ACO1: variants seen among roughly 807,000 people sequenced by gnomAD.
The protein encoded by ACO1 is aconitase 1.
ACO1 carries 78 observed loss-of-function variants against 105.1 expected under a neutral mutation model. The observed-to-expected ratio is 0.74, with a 90% CI of 0.62 to 0.90. The LOEUF (loss-of-function observed/expected upper bound fraction) is 0.90. Ranked by LOEUF, ACO1 falls within the 40% of genes least tolerant of loss-of-function variation. The probability of loss-of-function intolerance (pLI) is 0.00; values close to 1 mark genes in which losing one functional copy is unlikely to be tolerated. For synonymous variants in ACO1, 364 were observed against 397.4 expected (o/e 0.92, Z 1.00); for missense variants, 965 against 1,111.1 (o/e 0.87, Z 1.87).
intron 4 of ACO1, among the ~76,000 whole-genome samples, chr9:32,414,057 G>GC (rs1309771998): frequency 6.6e-6 from 1 of 152,066 alleles, no homozygotes; most frequent in Non-Finnish European, 1.5e-5. Flanking sequence ...GCTGAGTGAG[G>GC]CCCGGGAATG....
rs1822756645 is a variant in ACO1 at position 32,451,023 on chromosome 9, T to TGGGAGCAGACAAGAAGGAA, written c.*914_*932dup. On this transcript the variant is annotated 3_prime_UTR_variant, in exon 21 of 21. Transcript: ENST00000309951. ...ACCATTATGCTCGCTCTTCCCTGTTTGGGAGCAGACAAGAAGGAAGAGTAG... is the reference window on the plus strand; with the variant it reads ...ACCATTATGCTCGCTCTTCCCTGTTTGGGAGCAGACAAGAAGGAAGGGAGCAGACAAGAAGGAAGAGTAG... 1 of 147,160 alleles carries TGGGAGCAGACAAGAAGGAA rather than the reference T, an allele frequency of 6.8e-6. No homozygotes were observed. Among genetic ancestry groups the TGGGAGCAGACAAGAAGGAA allele is most frequent in the Non-Finnish European group, 1.5e-5 (1 of 67,792 alleles). 9.1% of individuals were successfully genotyped at this position (147,160 alleles called of 1,614,324 possible).
intron 5 of ACO1, 35 bp from the exon 6 acceptor site, chr9:32,418,293 G>A (rs778052946): frequency 2.4e-5 from 39 of 1,612,994 alleles, no homozygotes; most frequent in Middle Eastern, 1.6e-4. Context: ...AGTACTTCAC[G>A]CGTTCATAGT....
At chr9:32,414,775 A>T (rs923382650) in intron 4 of ACO1, among the ~76,000 whole-genome samples, 4 of 152,112 alleles carry the variant, frequency 2.6e-5, no homozygotes, top group Non-Finnish European at 4.4e-5. Context: ...TTATAATCTT[A>T]CCTGTAGTGG....
intron 4 of ACO1, among the ~76,000 whole-genome samples, chr9:32,416,370 G>A (rs1308810836): frequency 6.6e-5 from 10 of 152,102 alleles, no homozygotes; most frequent in African/African-American, 4.8e-5. Flanking sequence ...TGGGATTACA[G>A]GTGCGAGCTA....
At chr9:32,393,303 G>A (rs1821305227) in intron 1 of ACO1, among the ~76,000 whole-genome samples, 1 of 152,132 alleles carries the variant, frequency 6.6e-6, no homozygotes, top group Non-Finnish European at 1.5e-5. Context: ...GCTGCTTTGG[G>A]GGTGGCTGTC....
Position 32,407,315 on chromosome 9 carries a change from A to G in ACO1, c.152A>G (p.Asp51Gly), listed in dbSNP as rs747973056. Residue 51 changes from aspartate to glycine, a missense_variant, in exon 3 of 21, where the codon GAT becomes GGT. Physicochemically the swap from Asp to Gly is moderately conservative, Grantham distance 94. Coordinates refer to ENST00000309951, the MANE Select transcript of ACO1 (RefSeq NM_002197.3). ...CTGGAAGCAGCCATTCGGAATTGTG[A>G]TGAGTTTTTGGTGAAGAAACAGGAT... ...VLLEAAIRNC[D>G]EFLVKKQDIE... 6.2e-7 allele frequency: 1 copy of G among 1,614,182 alleles called. No homozygotes were observed.
rs774807099 is a variant in ACO1, at chr9:32,408,467, C to G, written c.267-47C>G. On this transcript the variant is annotated intron_variant, in intron 3 of 20. Coordinates refer to ENST00000309951, the MANE Select transcript of ACO1 (RefSeq NM_002197.3). ...AGGCAAAAGCTGAAAAATCCAGTTA[C>G]ACACATTTAAGGCTTATTTTCTGCA... The G allele has an allele frequency of 7.5e-6, 12 of 1,603,702 alleles. No homozygotes were observed. In the South Asian group the frequency reaches 1.3e-4, roughly 18 times the overall value.
intron 7 of ACO1, among the ~76,000 whole-genome samples, chr9:32,419,642 G>A (rs1214897262): frequency 1.3e-5 from 2 of 152,188 alleles, no homozygotes; most frequent in Non-Finnish European, 2.9e-5. Context: ...TTCACTACAT[G>A]TTTTCCACAT....
rs1350192087 is a variant in ACO1 at position 32,453,897 on chromosome 9, T to TTAAG, written c.*3792_*3795dup. 2 of 152,224 alleles carry TTAAG rather than the reference T, an allele frequency of 1.3e-5. No homozygotes were observed. Among genetic ancestry groups the TTAAG allele is most frequent in the African/African-American group, 4.8e-5 (2 of 41,456 alleles). 9.4% of individuals were successfully genotyped at this position (152,224 alleles called of 1,614,324 possible). On this transcript the variant is annotated 3_prime_UTR_variant, in exon 21 of 21. Transcript: ENST00000309951. ...AAAGATTATATAACGATAGCTGATA[T>TTAAG]TAAGTAAGTTTTAAAAGTTGACATC...
intron 16 of ACO1, 113 bp from the exon 17 acceptor site, chr9:32,434,446 T>G (rs1822309202): frequency 8.2e-7 from 1 of 1,223,206 alleles, no homozygotes; most frequent in Non-Finnish European, 1.1e-6. Context: ...TTTCTGTGCA[T>G]TGGTGTGGAA....
At chr9:32,410,768 C>A (rs1358381977) in intron 4 of ACO1, among the ~76,000 whole-genome samples, 4 of 152,146 alleles carry the variant, frequency 2.6e-5, no homozygotes, top group African/African-American at 9.7e-5. Flanking sequence ...TCAGCTATTG[C>A]TGTATAACAG....
chr9:32,421,060 T>C, intron 8 of ACO1, 33 bp downstream of exon 8: 1 of 1,598,290 alleles, frequency 6.3e-7, no homozygotes. Flanking sequence ...ATCGGGCTTT[T>C]TGTAAAAGTT....
At chr9:32,405,978 A>G (rs1252423550) in intron 2 of ACO1, among the ~76,000 whole-genome samples, 3 of 152,220 alleles carry the variant, frequency 2.0e-5, no homozygotes, top group Non-Finnish European at 2.9e-5. Context: ...ACAAGAACAC[A>G]GTCTTTTTTA....
At chr9:32,423,278 A>G in intron 8 of ACO1, 41 bp from the exon 9 acceptor site, 1 of 1,209,168 alleles carries the variant, frequency 8.3e-7, no homozygotes, top group Non-Finnish European at 1.2e-6. Flanking sequence ...ACCAGGAAAT[A>G]CTAACCTATG....
Position 32,450,126 on chromosome 9 carries a change from G to T in ACO1, c.*15G>T. On this transcript the variant is annotated 3_prime_UTR_variant, in exon 21 of 21. Coordinates refer to ENST00000309951, the MANE Select transcript of ACO1 (RefSeq NM_002197.3). ...TGGCCAAGTAGGAGACGTGCACTTG[G>T]TGCTGCGCCCAGGGAGGAAGCCGCA... 6.2e-7 allele frequency: 1 copy of T among 1,602,312 alleles called. No homozygotes were observed.
rs1369755305 is a variant in ACO1 at position 32,453,998 on chromosome 9, CAG to C, written c.*3890_*3891del. The C allele has an allele frequency of 6.6e-6, 1 of 152,198 alleles. No homozygotes were observed. The highest frequency in any genetic ancestry group is 1.5e-5 in the Non-Finnish European group (1 of 68,036). The allele number at this position is 152,198 out of a possible 1,614,324, so 9.4% of individuals were successfully genotyped here. A position where few individuals can be genotyped will look rare whatever the true frequency, so the allele number is the denominator to read the frequency against. ...AGTTTTATTTTACGGCATAATGAAA[CAG>C]AGTTCCAGACATGTACCTGCCAAAT... On this transcript the variant is annotated 3_prime_UTR_variant, in exon 21 of 21. Transcript: ENST00000309951.
Position 32,407,314 on chromosome 9 carries a change from G to C in ACO1, c.151G>C (p.Asp51His), listed in dbSNP as rs774224474. 13 of 1,614,020 alleles carry C rather than the reference G, an allele frequency of 8.1e-6. No homozygotes were observed. Among genetic ancestry groups the C allele is most frequent in the Non-Finnish European group, 1.1e-5 (13 of 1,180,030 alleles). The change falls in exon 3 of 21, where the codon GAT becomes CAT. Residue 51 changes from aspartate (D) to histidine (H), a missense_variant. By Grantham distance (81) the Asp-to-His change is moderately conservative (BLOSUM62 -1). Transcript: ENST00000309951. Reference protein sequence around the residue: ...VLLEAAIRNCDEFLVKKQDIE... With the variant: ...VLLEAAIRNCHEFLVKKQDIE... Reference sequence around the variant, plus strand: ...TCTGGAAGCAGCCATTCGGAATTGTGATGAGTTTTTGGTGAAGAAACAGGA... The same window carrying C: ...TCTGGAAGCAGCCATTCGGAATTGTCATGAGTTTTTGGTGAAGAAACAGGA...
intron 9 of ACO1, among the ~76,000 whole-genome samples, chr9:32,423,654 C>T (rs1822025687): frequency 6.6e-6 from 1 of 152,194 alleles, no homozygotes; most frequent in Non-Finnish European, 1.5e-5. Context: ...AAGTGTGCTT[C>T]CCTATTTGAA....
intron 13 of ACO1, among the ~76,000 whole-genome samples, chr9:32,429,865 T>C (rs1228604724): frequency 2.0e-5 from 3 of 152,222 alleles, no homozygotes; most frequent in Non-Finnish European, 4.4e-5. Flanking sequence ...ATTGGGTTAG[T>C]GCAAAAGTAA....
Sources: gnomAD v4.1 joint callset for allele counts (sites outside exome capture counted in the v4.1 genomes callset) on GRCh38, gnomAD v4.1.1 for gene constraint, MANE v1.5 for transcripts, NCBI Gene and HGNC (gene_info 2026-07-23, HGNC 2026-07-21) for gene names.